Variants in ESRRG observed in about 807,000 individuals in gnomAD.
ESRRG encodes the protein estrogen-related receptor gamma.
A neutral mutation model predicts 44.0 loss-of-function variants in ESRRG; 13 were observed. The observed-to-expected ratio is 0.30, with a 90% CI of 0.19 to 0.47. ESRRG has a LOEUF of 0.47. Among genes scored for constraint, ESRRG ranks in the 20% least tolerant of loss-of-function variants. The probability of loss-of-function intolerance (pLI) is 1.00; values close to 1 mark genes in which losing one functional copy is unlikely to be tolerated. For synonymous variants in ESRRG, 215 were observed against 214.6 expected (o/e 1.00, Z -0.02); for missense variants, 395 against 580.6 (o/e 0.68, Z 3.29).
chr1:216,746,119 A>C (rs1003137194), intron 2 of ESRRG, among the ~76,000 whole-genome samples: 8 of 152,238 alleles, frequency 5.3e-5, no homozygotes, highest in African/African-American at 1.9e-4. Context: ...AATCTTAATA[A>C]TGTAAAAAGT....
At chr1:216,766,494 T>G (rs1453619180) in intron 2 of ESRRG, among the ~76,000 whole-genome samples, 1 of 151,832 alleles carries the variant, frequency 6.6e-6, no homozygotes, top group East Asian at 1.9e-4. Context: ...AAAAAAGAAA[T>G]AAGAAAACTG....
intron 1 of ESRRG, among the ~76,000 whole-genome samples, chr1:217,113,145 A>G (rs1166331): frequency 0.2 from 30,558 of 152,200 alleles, 3,418 homozygotes; most frequent in East Asian, 0.46. Context: ...TACCAGCAGG[A>G]AACAGTCTGA....
At chr1:217,085,021 G>C (rs2091992464) in intron 1 of ESRRG, among the ~76,000 whole-genome samples, 1 of 152,076 alleles carries the variant, frequency 6.6e-6, no homozygotes. Context: ...ACATGTCCAA[G>C]AGGAACGGGA....
Position 216,958,845 on chromosome 1 carries a change from T to C in ESRRG, c.-105-19172A>G, listed in dbSNP as rs2068475676. ...TCACCAGACCTCTCAGAGCTCCTGT[T>C]CCCTCTGCAGGGATTTTCTTGTCCC... On this transcript the variant is annotated intron_variant, in intron 1 of 7. Coordinates refer to the ESRRG transcript ENST00000359162. Among the ~76,000 whole-genome samples the C allele has an allele frequency of 2.0e-5, 3 of 152,258 alleles. No individual in the cohort carries two copies. The East Asian group carries it at 5.8e-4, about 29-fold the overall frequency.
At chr1:217,004,194 A>T (rs2077424542) in intron 1 of ESRRG, among the ~76,000 whole-genome samples, 1 of 152,174 alleles carries the variant, frequency 6.6e-6, no homozygotes, top group African/African-American at 2.4e-5. Context: ...CTGTTTTCAC[A>T]AGTTTTAGAG....
At chr1:216,903,454 TG>T (rs1180706209) in intron 2 of ESRRG, among the ~76,000 whole-genome samples, 2 of 151,002 alleles carry the variant, frequency 1.3e-5, no homozygotes, top group African/African-American at 2.4e-5. Context: ...TGTGTGTGTG[TG>T]TGTCGGGGGA....
chr1:216,699,019 A>C (rs1355493917), intron 1 of ESRRG, among the ~76,000 whole-genome samples: 2 of 152,186 alleles, frequency 1.3e-5, no homozygotes, highest in Non-Finnish European at 2.9e-5. Flanking sequence ...CTGGAACCTC[A>C]CGAGGCTGAG....
intron 2 of ESRRG, among the ~76,000 whole-genome samples, chr1:216,664,207 T>G (rs2073284561): frequency 6.6e-6 from 1 of 152,002 alleles, no homozygotes; most frequent in Non-Finnish European, 1.5e-5. Flanking sequence ...TACAAGGCAG[T>G]GTAATGAAGG....
At chr1:217,057,099 A>G (rs1485874486) in intron 1 of ESRRG, among the ~76,000 whole-genome samples, 1 of 152,132 alleles carries the variant, frequency 6.6e-6, no homozygotes, top group African/African-American at 2.4e-5. Context: ...GTAAGCCCCC[A>G]CCAGTGAGAA....
intron 6 of ESRRG, among the ~76,000 whole-genome samples, chr1:216,513,536 C>T (rs919222350): frequency 6.6e-6 from 1 of 152,022 alleles, no homozygotes. Context: ...CTTGCTGTGG[C>T]TAAAAAGCTA....
intron 3 of ESRRG, among the ~76,000 whole-genome samples, chr1:216,585,487 G>A (rs2063586522): frequency 7.4e-6 from 1 of 135,510 alleles, no homozygotes; most frequent in Non-Finnish European, 1.5e-5. Context: ...AACTAAAAGA[G>A]TAAATAAATC....
chr1:216,948,292 C>T (rs1188664793), intron 1 of ESRRG, among the ~76,000 whole-genome samples: 2 of 151,672 alleles, frequency 1.3e-5, no homozygotes, highest in African/African-American at 2.4e-5. Flanking sequence ...CATGGTGGCT[C>T]ATGCCTGGAA....
intron 3 of ESRRG, among the ~76,000 whole-genome samples, chr1:216,646,483 A>G (rs1002341591): frequency 6.6e-6 from 1 of 152,156 alleles, no homozygotes; most frequent in African/African-American, 2.4e-5. Flanking sequence ...AAAGCGAGTT[A>G]GTCTTAGAGA....
In ESRRG at chr1:216,730,319, A is replaced by AAG. The variant is rs1553549480; in HGVS notation, c.-13-52829_-13-52828insCT. ...GCTTAGAAAGGTAAAAAAAAAAAAA[A>AAG]AAAGAAAGAAAAAGAAAGAAAGAAA... On this transcript the variant is annotated intron_variant, in intron 2 of 7. Coordinates refer to the ESRRG transcript ENST00000359162. Among the ~76,000 whole-genome samples, 57 of 151,346 alleles carry AAG rather than the reference A, an allele frequency of 3.8e-4. 1 individual carries two copies. The highest frequency in any genetic ancestry group is 1.0e-3 in the African/African-American group (43 of 41,390).
chr1:217,029,816 T>C (rs2081787836), intron 1 of ESRRG, among the ~76,000 whole-genome samples: 1 of 151,912 alleles, frequency 6.6e-6, no homozygotes, highest in Non-Finnish European at 1.5e-5. Flanking sequence ...AGGAGTCAGG[T>C]CCAAAAAATA....
chr1:217,105,346 C>A (rs562693329), intron 1 of ESRRG, among the ~76,000 whole-genome samples: 6 of 152,282 alleles, frequency 3.9e-5, no homozygotes, highest in African/African-American at 1.4e-4. Flanking sequence ...TTTAACATCA[C>A]AATAATCCTA....
chr1:216,665,171 TTTAGTA>T (rs1402132834), intron 2 of ESRRG, among the ~76,000 whole-genome samples: 1 of 152,134 alleles, frequency 6.6e-6, no homozygotes, highest in African/African-American at 2.4e-5. Context: ...ATTGTCCTAT[TTTAGTA>T]TTAGTTATTT....
chr1:216,518,328 A>G lies in ESRRG; in HGVS notation c.1132+824T>C, dbSNP rs11572822. Among the ~76,000 whole-genome samples, 55 of 152,270 alleles carry G rather than the reference A, an allele frequency of 3.6e-4. 1 individual carries two copies. The highest frequency in any genetic ancestry group is 1.8e-4 in the Non-Finnish European group (12 of 68,028). On this transcript the variant is annotated intron_variant, in intron 6 of 6. Transcript: ENST00000408911. ...CAGTTTCCTTCTTGTAATTAAAGGG[A>G]AAACTACTGGCCGGCAACCAAGATA...
chr1:216,654,622 T>C (rs2069949937), intron 2 of ESRRG, among the ~76,000 whole-genome samples: 1 of 136,942 alleles, frequency 7.3e-6, no homozygotes, highest in African/African-American at 2.6e-5. Flanking sequence ...AGAGCGAAAC[T>C]CTGTTTCAAA....
Sources: gnomAD v4.1 joint callset for allele counts (sites outside exome capture counted in the v4.1 genomes callset) on GRCh38, gnomAD v4.1.1 for gene constraint, MANE v1.5 for transcripts, NCBI Gene and HGNC (gene_info 2026-07-23, HGNC 2026-07-21) for gene names.